ZNF280D: variants seen among roughly 807,000 people sequenced by gnomAD.
ZNF280D encodes zinc finger protein 280D.
ZNF280D carries 39 observed loss-of-function variants against 94.7 expected under a neutral mutation model. That is an observed-to-expected ratio of 0.41 (90% CI 0.32 to 0.54). The LOEUF is 0.54. ZNF280D is among the 20% of genes least tolerant of loss of function. ZNF280D has a pLI of 0.22. For synonymous variants in ZNF280D, 398 were observed against 377.6 expected, an observed-to-expected ratio of 1.05 and a Z score of -0.63; for missense variants, 1,090 against 1,149.3, an observed-to-expected ratio of 0.95 and a Z score of 0.75.
intron 20 of ZNF280D, among the ~76,000 whole-genome samples, chr15:56,641,257 T>C (rs2052613555): frequency 6.6e-6 from 1 of 152,012 alleles, no homozygotes; most frequent in Non-Finnish European, 1.5e-5. Flanking sequence ...AGCAAAGGGA[T>C]AGGCCTTTTA....
rs141708559 is a variant in ZNF280D at position 56,706,454 on chromosome 15, G to T, written c.28+628C>A. Among the ~76,000 whole-genome samples the T allele has an allele frequency of 5.7e-3, 871 of 151,844 alleles. 10 individuals are homozygous for T. The highest frequency in any genetic ancestry group is 0.02 in the African/African-American group (837 of 41,420). On this transcript the variant is annotated intron_variant, in intron 3 of 21. Transcript: ENST00000267807. The stretch of plus-strand genomic sequence containing the variant: ...GGTCATGCCACTGCACTCCAGCCTG[G>T]GTGACAGAGTGAGAATCTGTCTCAA...
chr15:56,656,608 T>C (rs773336396), intron 17 of ZNF280D, among the ~76,000 whole-genome samples: 4 of 152,176 alleles, frequency 2.6e-5, no homozygotes, highest in Non-Finnish European at 5.9e-5. Flanking sequence ...AATTGAATGA[T>C]ATTTTCTCTC....
intron 4 of ZNF280D, among the ~76,000 whole-genome samples, chr15:56,703,350 G>C (rs1390389144): frequency 6.6e-6 from 1 of 152,134 alleles, no homozygotes; most frequent in Non-Finnish European, 1.5e-5. Flanking sequence ...GCTTCTATTG[G>C]TACACAGGCC....
chr15:56,638,064 A>C (rs2052441812), intron 20 of ZNF280D, among the ~76,000 whole-genome samples: 1 of 152,132 alleles, frequency 6.6e-6, no homozygotes, highest in Admixed American at 6.6e-5. Context: ...TCTAGACTAG[A>C]GTTTCAGTAG....
Position 56,668,965 on chromosome 15 carries a change from GA to G in ZNF280D, c.1411-9del, listed in dbSNP as rs748786188. 2.5e-6 allele frequency: 4 copies of G among 1,589,050 alleles called. No homozygotes were observed. Among genetic ancestry groups the G allele is most frequent in the Non-Finnish European group, 2.6e-6 (3 of 1,171,418 alleles). On this transcript the variant is annotated splice_polypyrimidine_tract_variant and intron_variant, in intron 13 of 21. Coordinates refer to ENST00000267807, the MANE Select transcript of ZNF280D (RefSeq NM_017661.4). ...ACGATGTATTCCTTTTTTCTGTTTAGAAAAAAACAGAAAAAGGGGGAAAAAT... is the reference window on the plus strand; with the variant it reads ...ACGATGTATTCCTTTTTTCTGTTTAGAAAAAACAGAAAAAGGGGGAAAAAT...
intron 16 of ZNF280D, among the ~76,000 whole-genome samples, chr15:56,662,204 A>AT (rs201901188): frequency 0.035 from 5,402 of 152,218 alleles, 342 homozygotes; most frequent in Admixed American, 0.16. Flanking sequence ...ATTTATGTGC[A>AT]TTTTTTTCAG....
intron 1 of ZNF280D, among the ~76,000 whole-genome samples, chr15:56,721,751 G>C (rs769329641): frequency 2.6e-5 from 4 of 151,664 alleles, no homozygotes; most frequent in Non-Finnish European, 5.9e-5. Flanking sequence ...TGGCGGGTTT[G>C]ATCTTCTAGC....
At chr15:56,704,304 GAAAATA>G in intron 3 of ZNF280D, 37 bp from the exon 4 acceptor site, 1 of 1,555,612 alleles carries the variant, frequency 6.4e-7, no homozygotes, top group Non-Finnish European at 8.7e-7. Flanking sequence ...CCTCATTTTT[GAAAATA>G]AAAATAAAAA....
intron 16 of ZNF280D, among the ~76,000 whole-genome samples, chr15:56,664,726 G>T (rs1313193120): frequency 6.6e-6 from 1 of 152,146 alleles, no homozygotes; most frequent in African/African-American, 2.4e-5. Flanking sequence ...CAGAATTAAA[G>T]TTTTTGAAAT....
At chr15:56,704,395 G>T (rs1555421338) in intron 3 of ZNF280D, 128 bp from the exon 4 acceptor site, 13 of 896,296 alleles carry the variant, frequency 1.5e-5, no homozygotes, top group Non-Finnish European at 2.0e-5. Context: ...ATTGATATTT[G>T]TAGTCAGTAT....
chr15:56,643,114 T>C (rs1348787778), intron 19 of ZNF280D, 117 bp from the exon 20 acceptor site: 1 of 595,594 alleles, frequency 1.7e-6, no homozygotes, highest in African/African-American at 1.9e-5. Flanking sequence ...CTAATGTACA[T>C]TTTATACTTT....
intron 14 of ZNF280D, 93 bp downstream of exon 14, chr15:56,668,730 A>G: frequency 8.4e-7 from 1 of 1,188,082 alleles, no homozygotes; most frequent in Non-Finnish European, 1.1e-6. Context: ...AAAAATCTGA[A>G]GTCATTTAAA....
chr15:56,693,056 G>T, intron 7 of ZNF280D, 42 bp downstream of exon 7: 1 of 1,225,040 alleles, frequency 8.2e-7, no homozygotes, highest in Non-Finnish European at 1.2e-6. Flanking sequence ...TATTCATCAA[G>T]TTTCTTTCTA....
In ZNF280D at chr15:56,631,037, A is replaced by C. The variant is rs1284321794; in HGVS notation, c.*461T>G. 6.3e-6 allele frequency: 1 copy of C among 158,510 alleles called. No individual in the cohort carries two copies. Among genetic ancestry groups the C allele is most frequent in the Non-Finnish European group, 1.4e-5 (1 of 71,496 alleles). 9.8% of individuals were successfully genotyped at this position (158,510 alleles called of 1,614,324 possible). ...AAATAAAGCCTTCATTAACAATGCC[A>C]ATCAGCCATTGTTTTTAATCAATTA... On this transcript the variant is annotated 3_prime_UTR_variant, in exon 22 of 22. Transcript: ENST00000267807.
intron 16 of ZNF280D, among the ~76,000 whole-genome samples, chr15:56,663,652 ACTAAGAG>A (rs1485577717): frequency 2.0e-5 from 3 of 152,222 alleles, no homozygotes; most frequent in African/African-American, 7.2e-5. Flanking sequence ...TCCATATGAC[ACTAAGAG>A]CTGTGTGTGA....
rs777125949 is a variant in ZNF280D at position 56,689,364 on chromosome 15, G to C, written c.606C>G (p.Ser202=). The part of the protein sequence containing the change: ...KPSESVSGAN[S]SAVLPSVKSP... ...ATTTAACTGAAGGTAATACAGCTGA[G>C]GAATTTGCTCCAGAAACACTTTCGC... is the stretch of plus-strand genomic sequence containing the variant. The change falls in exon 8 of 22, where the codon TCC becomes TCG. Residue 202 remains serine (S), a synonymous_variant. Coordinates refer to ENST00000267807, the MANE Select transcript of ZNF280D (RefSeq NM_017661.4). The C allele has an allele frequency of 6.2e-7, 1 of 1,609,862 alleles. No individual in the cohort carries two copies. Among genetic ancestry groups the C allele is most frequent in the Non-Finnish European group, 8.5e-7 (1 of 1,178,004 alleles).
intron 6 of ZNF280D, among the ~76,000 whole-genome samples, chr15:56,695,156 T>TCTGCCTCCTGGGTTCAA: frequency 6.6e-6 from 1 of 152,164 alleles, no homozygotes; most frequent in East Asian, 1.9e-4. Context: ...CACTGCAACC[T>TCTGCCTCCTGGGTTCAA]CTGCCTCCTG....
chr15:56,688,956 C>G, intron 9 of ZNF280D, 85 bp downstream of exon 9: 1 of 780,590 alleles, frequency 1.3e-6, no homozygotes, highest in Non-Finnish European at 2.0e-6. Context: ...GAGATTATTT[C>G]TGGACAAACC....
intron 3 of ZNF280D, among the ~76,000 whole-genome samples, chr15:56,705,328 T>C (rs1038597595): frequency 2.7e-4 from 41 of 152,190 alleles, no homozygotes; most frequent in African/African-American, 8.4e-4. Context: ...ACCAGCCTTA[T>C]TGTGTGTCTC....
Sources: allele counts gnomAD v4.1 joint callset (sites outside exome capture counted in the v4.1 genomes callset), GRCh38; gene constraint gnomAD v4.1.1; transcripts MANE v1.5; gene names NCBI Gene and HGNC (gene_info 2026-07-23, HGNC 2026-07-21).